Variants in PCDHGB4 observed in about 807,000 individuals in gnomAD.
The protein encoded by PCDHGB4 is protocadherin gamma-B4.
Under a neutral mutation model 60.5 loss-of-function variants are expected in PCDHGB4, and 38 were observed. The ratio of observed to expected loss-of-function variants is 0.63; its 90% CI spans 0.48 to 0.82. The LOEUF (loss-of-function observed/expected upper bound fraction) is 0.82, where lower values mean the gene tolerates loss of function less well. Ranked by LOEUF, PCDHGB4 falls within the 40% of genes least tolerant of loss-of-function variation. The pLI is 0.00. For synonymous variants in PCDHGB4, 456 were observed against 509.7 expected (o/e 0.89, Z 1.42); for missense variants, 1,109 against 1,209.6 (o/e 0.92, Z 1.23).
intron 1 of PCDHGB4, chr5:141,426,679 T>A (rs1008777231): frequency 9.3e-6 from 4 of 431,308 alleles, no homozygotes; most frequent in African/African-American, 2.0e-5. Context: ...CCACCTCATT[T>A]TCCCCAAAAT....
In PCDHGB4 at chr5:141,503,070, G is replaced by A. The variant is rs868143537; in HGVS notation, c.2457-2323G>A. 1.5e-4 allele frequency among the ~76,000 whole-genome samples: 23 copies of A among 151,614 alleles called. No individual in the cohort carries two copies. The Middle Eastern group carries it at 0.01, about 68-fold the overall frequency. On this transcript the variant is annotated intron_variant, in intron 2 of 3. Coordinates refer to ENST00000519479, the MANE Select transcript of PCDHGB4 (RefSeq NM_003736.4). ...GGGTTTCACCATGTTGGTCAGAATGGTCTCGATCTCCTGACCTCGTGGTCT... is the reference window on the plus strand; with the variant it reads ...GGGTTTCACCATGTTGGTCAGAATGATCTCGATCTCCTGACCTCGTGGTCT...
chr5:141,476,123 C>G lies in PCDHGB4; in HGVS notation c.2398-18684C>G. Reference sequence around the variant, plus strand: ...GGAACTGCTTTTGAGTGAGATGGTCCCAGAGGCCTGGAGGAGCGGACTGGT... The same window carrying G: ...GGAACTGCTTTTGAGTGAGATGGTCGCAGAGGCCTGGAGGAGCGGACTGGT... On this transcript the variant is annotated intron_variant, in intron 1 of 3. Coordinates refer to ENST00000519479, the MANE Select transcript of PCDHGB4 (RefSeq NM_003736.4). This position sits in a 1 kb window ranked among gnomAD's most constrained non-coding sequence, Gnocchi z 7.6. 1 of 1,602,442 alleles carries G rather than the reference C, an allele frequency of 6.2e-7. No individual in the cohort carries two copies. The highest frequency in any genetic ancestry group is 8.5e-7 in the Non-Finnish European group (1 of 1,176,022).
rs148995268 is a variant in PCDHGB4, at chr5:141,486,253, C to T, written c.2398-8554C>T. On this transcript the variant is annotated intron_variant, in intron 1 of 3. Coordinates refer to ENST00000519479, the MANE Select transcript of PCDHGB4 (RefSeq NM_003736.4). The surrounding 1 kb of genome is among the most constrained non-coding windows in gnomAD (Gnocchi z 5.0). The stretch of plus-strand genomic sequence containing the variant: ...TGACCTCAGAGCTTGGAACCCTCCC[C>T]GAGAGTGCAGAACCTGGCACTGTGG... 8 of 1,614,020 alleles carry T rather than the reference C, an allele frequency of 5.0e-6. No individual in the cohort carries two copies. The African/African-American group carries it at 8.0e-5, about 16-fold the overall frequency.
At chr5:141,409,920 C>T (rs759433257) in intron 1 of PCDHGB4, 2 of 1,613,400 alleles carry the variant, frequency 1.2e-6, no homozygotes, top group Non-Finnish European at 1.7e-6. Flanking sequence ...GACGGCTCCG[C>T]GTTCTTCGAT....
chr5:141,510,272 TAAA>T (rs546154379), intron 3 of PCDHGB4, among the ~76,000 whole-genome samples: 2 of 130,370 alleles, frequency 1.5e-5, no homozygotes, highest in Non-Finnish European at 3.3e-5. Context: ...GACTCCATCT[TAAA>T]AAAAAAAAAA....
intron 1 of PCDHGB4, chr5:141,404,701 G>T (rs563319884): frequency 6.2e-7 from 1 of 1,614,074 alleles, no homozygotes; most frequent in African/African-American, 1.3e-5. Flanking sequence ...GCTCTGCAGA[G>T]CCTGGCTACC....
intron 1 of PCDHGB4, chr5:141,422,639 C>T (rs777330051): frequency 3.7e-6 from 6 of 1,612,780 alleles, no homozygotes; most frequent in South Asian, 2.2e-5. Flanking sequence ...AGGGGTGCCT[C>T]CATCTTCTCA....
At chr5:141,400,232 C>CT (rs1207022796) in intron 1 of PCDHGB4, 6 of 1,613,914 alleles carry the variant, frequency 3.7e-6, no homozygotes, top group African/African-American at 1.3e-5. Context: ...TTCCTCCTGG[C>CT]CGTGATTCTG....
rs1164665785 is a variant in PCDHGB4 at position 141,389,060 on chromosome 5, A to G, written c.1176A>G (p.Ile392Met). 6 of 1,614,010 alleles carry G rather than the reference A, an allele frequency of 3.7e-6. No individual in the cohort carries two copies. The highest frequency in any genetic ancestry group is 4.2e-6 in the Non-Finnish European group (5 of 1,179,878). Residue 392 changes from isoleucine (I) to methionine (M), a missense_variant, in exon 1 of 4, where the codon ATA becomes ATG. Ile to Met is a conservative substitution (Grantham distance 10). Coordinates refer to ENST00000519479, the MANE Select transcript of PCDHGB4 (RefSeq NM_003736.4). ...CKLEGDVPFK[I>M]LTSSRNTYKL... ...TGGAAGGTGATGTTCCATTTAAAAT[A>G]TTAACTTCTTCAAGAAACACGTATA...
intron 1 of PCDHGB4, chr5:141,395,296 ATG>A: frequency 6.6e-7 from 1 of 1,524,308 alleles, no homozygotes. Flanking sequence ...GGCATAAATT[ATG>A]TTTTGAAAAA....
In PCDHGB4 at chr5:141,511,269, C is replaced by A; in HGVS notation, c.*96C>A. The A allele has an allele frequency of 1.3e-6, 2 of 1,546,672 alleles. No homozygotes were observed. Among genetic ancestry groups the A allele is most frequent in the Non-Finnish European group, 1.7e-6 (2 of 1,145,264 alleles). The stretch of plus-strand genomic sequence containing the variant: ...AGGCCTCAGAGTTTCAGGGCTAACC[C>A]CCAGAATACTGGTAGGGGCCAAGGC... On this transcript the variant is annotated 3_prime_UTR_variant, in exon 4 of 4. Transcript: ENST00000519479.
intron 1 of PCDHGB4, chr5:141,430,796 C>T (rs1347347402): frequency 6.6e-6 from 10 of 1,522,232 alleles, no homozygotes; most frequent in Non-Finnish European, 8.8e-6. Flanking sequence ...CTACAAAGGG[C>T]TTGTCCTGCT....
At chr5:141,463,168 T>C (rs74924211) in intron 1 of PCDHGB4, among the ~76,000 whole-genome samples, 6,974 of 152,254 alleles carry the variant, frequency 0.046, 178 homozygotes, top group Middle Eastern at 0.082. Context: ...GTGCACTCTA[T>C]GTATGCTCAG....
intron 1 of PCDHGB4, among the ~76,000 whole-genome samples, chr5:141,464,193 A>C (rs991769179): frequency 1.3e-5 from 2 of 149,674 alleles, no homozygotes; most frequent in Non-Finnish European, 3.0e-5. Flanking sequence ...TGATTTCAGG[A>C]GGCGGAGATT....
chr5:141,442,164 C>A, intron 1 of PCDHGB4: 1 of 156,542 alleles, frequency 6.4e-6, no homozygotes, highest in Non-Finnish European at 1.4e-5. Context: ...GATCACTCTG[C>A]AAAGCTACAG....
rs539878473 is a variant in PCDHGB4 at position 141,501,595 on chromosome 5, C to T, written c.2457-3798C>T. Reference sequence around the variant, plus strand: ...GCTGGCTTTCAGGTTGCAACTCTACCAGTTCCAGCTGTGTGACTCTGGTAT... The same window carrying T: ...GCTGGCTTTCAGGTTGCAACTCTACTAGTTCCAGCTGTGTGACTCTGGTAT... On this transcript the variant is annotated intron_variant, in intron 2 of 3. Coordinates refer to ENST00000519479, the MANE Select transcript of PCDHGB4 (RefSeq NM_003736.4). Among the ~76,000 whole-genome samples the T allele has an allele frequency of 9.9e-5, 15 of 152,164 alleles. No homozygotes were observed. In the East Asian group the frequency reaches 2.9e-3, roughly 30 times the overall value.
intron 1 of PCDHGB4, chr5:141,416,636 C>A (rs2096047139): frequency 6.6e-6 from 1 of 152,066 alleles, no homozygotes; most frequent in South Asian, 2.1e-4. Context: ...AATATAAACA[C>A]CAACCACAGC....
intron 2 of PCDHGB4, 30 bp from the exon 3 acceptor site, chr5:141,505,361 AGT>A: frequency 6.2e-7 from 1 of 1,613,910 alleles, no homozygotes; most frequent in Non-Finnish European, 8.5e-7. Context: ...CCGGCCTGGG[AGT>A]CTGTGCTCAC....
intron 1 of PCDHGB4, among the ~76,000 whole-genome samples, chr5:141,475,625 G>C (rs1172186188): frequency 2.0e-5 from 3 of 152,204 alleles, no homozygotes; most frequent in African/African-American, 7.2e-5. Flanking sequence ...GGTTTGGTTC[G>C]ATCCCCTTTC....
Sources: gnomAD v4.1 joint callset for allele counts (sites outside exome capture counted in the v4.1 genomes callset) on GRCh38, gnomAD v4.1.1 for gene constraint, Gnocchi (gnomAD v3.1) non-coding constraint, MANE v1.5 for transcripts, NCBI Gene and HGNC (gene_info 2026-07-23, HGNC 2026-07-21) for gene names.